Variants in KIF11 observed in about 807,000 individuals in gnomAD.
KIF11 encodes kinesin family member 11.
In KIF11, 9 loss-of-function variants were observed where a neutral mutation model predicts 121.0. That is an observed-to-expected ratio of 0.07 (90% CI 0.04 to 0.13). The LOEUF (loss-of-function observed/expected upper bound fraction) is 0.13, where lower values mean the gene tolerates loss of function less well. Among genes scored for constraint, KIF11 ranks in the 10% least tolerant of loss-of-function variants. The pLI is 1.00. For missense variants in KIF11, 846 were observed against 1,217.5 expected (o/e 0.69, Z 4.54); for synonymous variants, 408 against 421.0 (o/e 0.97, Z 0.38).
rs535685842 is a variant in KIF11, at chr10:92,611,350, C to T, written c.699-1690C>T. 9.9e-5 allele frequency among the ~76,000 whole-genome samples: 15 copies of T among 151,892 alleles called. No homozygotes were observed. In the East Asian group the frequency reaches 2.7e-3, roughly 28 times the overall value. On this transcript the variant is annotated intron_variant, in intron 6 of 21. Transcript: ENST00000260731. The stretch of plus-strand genomic sequence containing the variant: ...GCCTCAGCCTCCTGAGTAGCTGGGA[C>T]TACAGGTGCCCACCACCACGCCTGG...
chr10:92,620,366 C>CCCCGCG (rs1844604948), intron 9 of KIF11, among the ~76,000 whole-genome samples: 1 of 152,182 alleles, frequency 6.6e-6, no homozygotes, highest in South Asian at 2.1e-4. Flanking sequence ...AGGCGTGAGC[C>CCCCGCG]ACCGCGTCCG....
intron 21 of KIF11, among the ~76,000 whole-genome samples, 181 bp downstream of exon 21, chr10:92,650,698 G>A (rs1844971288): frequency 2.0e-5 from 3 of 152,142 alleles, no homozygotes; most frequent in Non-Finnish European, 4.4e-5. Flanking sequence ...GGGGTTTTCT[G>A]TAGAATAAAT....
chr10:92,596,551 T>C (rs188791739), intron 1 of KIF11, among the ~76,000 whole-genome samples: 8 of 133,190 alleles, frequency 6.0e-5, no homozygotes, highest in African/African-American at 1.0e-4. Context: ...TTTTTTTTTT[T>C]CAAGTAGCCA....
At chr10:92,609,558 A>G (rs753561329) in intron 6 of KIF11, 49 bp downstream of exon 6, 5 of 1,552,558 alleles carry the variant, frequency 3.2e-6, no homozygotes, top group Non-Finnish European at 4.3e-6. Flanking sequence ...TTTAAGAAGA[A>G]TTAGGAACTT....
At chr10:92,641,742 A>G (rs1343078585) in intron 17 of KIF11, among the ~76,000 whole-genome samples, 2 of 152,138 alleles carry the variant, frequency 1.3e-5, no homozygotes, top group African/African-American at 4.8e-5. Flanking sequence ...TTTCAGCCCT[A>G]TACTCTTTTT....
chr10:92,600,197 G>T (rs1844353721), intron 1 of KIF11, among the ~76,000 whole-genome samples: 1 of 151,306 alleles, frequency 6.6e-6, no homozygotes, highest in Non-Finnish European at 1.5e-5. Context: ...TAGAGATAGG[G>T]TTTCATCATG....
chr10:92,599,876 C>T (rs1265489450), intron 1 of KIF11, among the ~76,000 whole-genome samples: 3 of 149,764 alleles, frequency 2.0e-5, no homozygotes, highest in Non-Finnish European at 4.4e-5. Flanking sequence ...TGGTCTCGAT[C>T]TCTTGACCTC....
chr10:92,599,488 G>A (rs1844341489), intron 1 of KIF11, among the ~76,000 whole-genome samples: 1 of 144,298 alleles, frequency 6.9e-6, no homozygotes, highest in Non-Finnish European at 1.5e-5. Context: ...TCGTGCCACT[G>A]TACTCCAGCC....
chr10:92,629,564 A>T (rs530333354), intron 11 of KIF11, among the ~76,000 whole-genome samples: 1 of 152,302 alleles, frequency 6.6e-6, no homozygotes, highest in South Asian at 2.1e-4. Flanking sequence ...TAGGGTAGGC[A>T]AGAGGCCTGA....
chr10:92,630,050 G>T lies in KIF11; in HGVS notation c.1306-126G>T. 2 of 566,914 alleles carry T rather than the reference G, an allele frequency of 3.5e-6. 1 individual carries two copies. The highest frequency in any genetic ancestry group is 6.2e-6 in the Non-Finnish European group (2 of 323,974). 35.1% of individuals were successfully genotyped at this position (566,914 alleles called of 1,614,324 possible). On this transcript the variant is annotated intron_variant, in intron 11 of 21. Transcript: ENST00000260731. ...CAGAAAGAAACAGGATGACATATTT[G>T]TGTTAACCTACCGGGTAACTTCTTA...
At chr10:92,635,262 C>G (rs1266460366) in intron 14 of KIF11, among the ~76,000 whole-genome samples, 1 of 152,072 alleles carries the variant, frequency 6.6e-6, no homozygotes, top group Non-Finnish European at 1.5e-5. Flanking sequence ...CCAAATTTGA[C>G]AAAATTAAAA....
In KIF11 at chr10:92,613,713, G is replaced by A. The variant is rs893305782; in HGVS notation, c.1032+94G>A. On this transcript the variant is annotated intron_variant, in intron 8 of 21. Transcript: ENST00000260731. This position sits in a 1 kb window ranked among gnomAD's most constrained non-coding sequence, Gnocchi z 4.2. ...AAGTTCATTTACTAGGATGGACACA[G>A]TGACTCACACCTGTAAACCCAGCAC... is the stretch of plus-strand genomic sequence containing the variant. 8.2e-7 allele frequency: 1 copy of A among 1,223,330 alleles called. No individual in the cohort carries two copies. Among genetic ancestry groups the A allele is most frequent in the African/African-American group, 1.5e-5 (1 of 65,414 alleles). The allele number at this position is 1,223,330 out of a possible 1,614,324, so 75.8% of individuals were successfully genotyped here.
At chr10:92,594,288 T>C (rs1257674378) in intron 1 of KIF11, among the ~76,000 whole-genome samples, 2 of 152,214 alleles carry the variant, frequency 1.3e-5, no homozygotes, top group African/African-American at 4.8e-5. Flanking sequence ...AAAACTTGTA[T>C]CAACAAACTT....
intron 1 of KIF11, among the ~76,000 whole-genome samples, chr10:92,599,304 A>G (rs946264617): frequency 1.3e-5 from 2 of 151,634 alleles, no homozygotes; most frequent in Non-Finnish European, 2.9e-5. Flanking sequence ...CCAACTCCTG[A>G]TCACGAGATC....
At chr10:92,626,290 G>A (rs1844675991) in intron 10 of KIF11, among the ~76,000 whole-genome samples, 1 of 152,138 alleles carries the variant, frequency 6.6e-6, no homozygotes, top group Admixed American at 6.6e-5. Flanking sequence ...TCTGATCTTC[G>A]ACAGAACATG....
chr10:92,601,945 A>C (rs934304548), intron 1 of KIF11, among the ~76,000 whole-genome samples: 2 of 152,046 alleles, frequency 1.3e-5, no homozygotes, highest in Non-Finnish European at 2.9e-5. Context: ...GTTTCACTCT[A>C]TTCCTAGTTT....
chr10:92,630,361 C>G lies in KIF11; in HGVS notation c.1491C>G (p.Ser497Arg). ...AGGAGAAACTTCATGATGCTGCCAG[C>G]AAGGTTTGTCCCTTGTGTTGATTTG... is the stretch of plus-strand genomic sequence containing the variant. ...STEEKLHDAA[S>R]KLLNTVEETT... Residue 497 changes from serine to arginine, a missense_variant, in exon 12 of 22, where the codon AGC (serine) becomes AGG (arginine). Physicochemically the swap from Ser to Arg is moderately radical, Grantham distance 110 (BLOSUM62 -1). Coordinates refer to ENST00000260731, the MANE Select transcript of KIF11 (RefSeq NM_004523.4). 6.4e-7 allele frequency: 1 copy of G among 1,560,810 alleles called. No homozygotes were observed. Among genetic ancestry groups the G allele is most frequent in the Non-Finnish European group, 8.6e-7 (1 of 1,159,324 alleles).
chr10:92,617,740 GT>G (rs1564708049), intron 9 of KIF11, among the ~76,000 whole-genome samples: 1 of 142,306 alleles, frequency 7.0e-6, no homozygotes, highest in African/African-American at 3.0e-5. Flanking sequence ...TTTTGTTTTT[GT>G]TTTTGTTTTT....
chr10:92,649,795 C>G, intron 19 of KIF11, 40 bp from the exon 20 acceptor site: 1 of 1,402,972 alleles, frequency 7.1e-7, no homozygotes, highest in Non-Finnish European at 9.8e-7. Flanking sequence ...ATTTACATCT[C>G]ATACTTTAAT....
Sources: allele counts gnomAD v4.1 joint callset (sites outside exome capture counted in the v4.1 genomes callset), GRCh38; gene constraint gnomAD v4.1.1; non-coding constraint Gnocchi (gnomAD v3.1); transcripts MANE v1.5; gene names NCBI Gene and HGNC (gene_info 2026-07-23, HGNC 2026-07-21).